Variants in MICU2 observed in about 807,000 individuals in gnomAD.
The protein encoded by MICU2 is calcium uptake protein 2, mitochondrial.
A neutral mutation model predicts 60.4 loss-of-function variants in MICU2; 64 were observed. The ratio of observed to expected loss-of-function variants is 1.06; its 90% confidence interval spans 0.87 to 1.31. MICU2 has a LOEUF of 1.31. MICU2 is among the 50% of genes most tolerant of loss of function. MICU2 has a pLI of 0.00. For missense variants in MICU2, 569 were observed against 531.0 expected, an observed-to-expected ratio of 1.07 and a Z score of -0.70; for synonymous variants, 201 against 175.0, an observed-to-expected ratio of 1.15 and a Z score of -1.17.
intron 6 of MICU2, among the ~76,000 whole-genome samples, chr13:21,518,886 C>G (rs1566145273): frequency 6.6e-6 from 1 of 152,038 alleles, no homozygotes; most frequent in Non-Finnish European, 1.5e-5. Flanking sequence ...ATATTTTTAT[C>G]TACTGCTACC....
intron 4 of MICU2, 79 bp from the exon 5 acceptor site, chr13:21,522,729 C>A (rs1886749819): frequency 9.1e-7 from 1 of 1,099,724 alleles, no homozygotes; most frequent in Non-Finnish European, 1.3e-6. Context: ...TGAAATTTCA[C>A]CTAATTAAAA....
At chr13:21,549,417 T>G (rs1887497601) in intron 2 of MICU2, among the ~76,000 whole-genome samples, 1 of 152,146 alleles carries the variant, frequency 6.6e-6, no homozygotes, top group Admixed American at 6.6e-5. Context: ...GCAATTAATT[T>G]TCAAATTTAA....
rs75401636 is a variant in MICU2 at position 21,524,705 on chromosome 13, G to A, written c.467-2055C>T. On this transcript the variant is annotated intron_variant, in intron 4 of 11. Coordinates refer to ENST00000382374, the MANE Select transcript of MICU2 (RefSeq NM_152726.3). ...AGTACATTCACGCTGTTGTACAACC[G>A]TCATTAGAAATTTTTCATCATGCTA... 7.9e-5 allele frequency among the ~76,000 whole-genome samples: 12 copies of A among 152,204 alleles called. No homozygotes were observed. The East Asian group carries it at 1.5e-3, about 20-fold the overall frequency.
Position 21,529,666 on chromosome 13 carries a change from C to T in MICU2, c.467-7016G>A, listed in dbSNP as rs74917696. 4.9e-4 allele frequency among the ~76,000 whole-genome samples: 75 copies of T among 152,290 alleles called. No individual in the cohort carries two copies. The East Asian group carries it at 0.014, about 28-fold the overall frequency. On this transcript the variant is annotated intron_variant, in intron 4 of 11. Coordinates refer to ENST00000382374, the MANE Select transcript of MICU2 (RefSeq NM_152726.3). The stretch of plus-strand genomic sequence containing the variant: ...ACATTTGCCTAATTAACAGATCTTT[C>T]GTTGACATGATCTCAGGCACTGTGT...
intron 1 of MICU2, among the ~76,000 whole-genome samples, chr13:21,578,620 T>C (rs552076052): frequency 6.6e-6 from 1 of 152,216 alleles, no homozygotes; most frequent in South Asian, 2.1e-4. Flanking sequence ...TATTTTAGTC[T>C]GTGAACCAAT....
chr13:21,501,479 G>T (rs1460754308), intron 9 of MICU2, among the ~76,000 whole-genome samples: 1 of 152,114 alleles, frequency 6.6e-6, no homozygotes, highest in Non-Finnish European at 1.5e-5. Flanking sequence ...AACCAGGATG[G>T]TCTTGATCTC....
intron 4 of MICU2, among the ~76,000 whole-genome samples, chr13:21,526,909 T>C (rs1486782288): frequency 6.6e-6 from 1 of 152,070 alleles, no homozygotes; most frequent in East Asian, 1.9e-4. Flanking sequence ...CAGGACAACA[T>C]ACCCTAATGA....
chr13:21,572,240 A>C (rs1888126966), intron 1 of MICU2, among the ~76,000 whole-genome samples: 1 of 152,262 alleles, frequency 6.6e-6, no homozygotes, highest in Admixed American at 6.5e-5. Context: ...GAGGTTTATT[A>C]AGCCAGCTGT....
At chr13:21,498,917 G>A (rs1886073316) in intron 9 of MICU2, among the ~76,000 whole-genome samples, 1 of 152,050 alleles carries the variant, frequency 6.6e-6, no homozygotes, top group Admixed American at 6.6e-5. Flanking sequence ...TTTGATGTCT[G>A]CTTTTCTGAT....
intron 11 of MICU2, 83 bp downstream of exon 11, chr13:21,495,078 A>G: frequency 9.9e-7 from 1 of 1,009,460 alleles, no homozygotes; most frequent in East Asian, 2.6e-5. Context: ...ACTCCATTTA[A>G]AGACTGTACA....
chr13:21,603,121 T>C (rs920791110), intron 1 of MICU2, among the ~76,000 whole-genome samples: 1 of 152,038 alleles, frequency 6.6e-6, no homozygotes, highest in Admixed American at 6.6e-5. Context: ...ATTGTTTATA[T>C]TTTTTAGTAG....
intron 1 of MICU2, among the ~76,000 whole-genome samples, chr13:21,600,986 C>CG (rs995902410): frequency 7.2e-5 from 11 of 151,970 alleles, no homozygotes; most frequent in African/African-American, 2.7e-4. Flanking sequence ...TTAGTAGAGA[C>CG]GGGGTTTCAC....
intron 8 of MICU2, 113 bp from the exon 9 acceptor site, chr13:21,503,210 T>G: frequency 1.4e-6 from 1 of 717,426 alleles, no homozygotes; most frequent in East Asian, 2.7e-5. Flanking sequence ...TGCCTCCTGA[T>G]GGTAAGCAGG....
At position 21,493,274 on chromosome 13, in the gene MICU2, T is replaced by C. The variant is rs369059811; in HGVS notation, c.1280A>G (p.Lys427Arg). Residue 427 changes from lysine to arginine, a missense_variant, in exon 12 of 12, where the codon AAA becomes AGA. By Grantham distance (26) the Lys-to-Arg change is conservative. Transcript: ENST00000382374. ...ESIKGVKEVW[K>R]QAGKGLF ...TTAAAAAAGACCTTTTCCAGCTTGT[T>C]TCCAGACTTCTTTTACTCCTTTAAT... is the stretch of plus-strand genomic sequence containing the variant. 6.2e-7 allele frequency: 1 copy of C among 1,609,586 alleles called. No individual in the cohort carries two copies. Among genetic ancestry groups the C allele is most frequent in the Non-Finnish European group, 8.5e-7 (1 of 1,178,294 alleles).
At chr13:21,601,873 A>C (rs1178260009) in intron 1 of MICU2, among the ~76,000 whole-genome samples, 1 of 152,106 alleles carries the variant, frequency 6.6e-6, no homozygotes, top group Non-Finnish European at 1.5e-5. Flanking sequence ...TGGGAGGCCA[A>C]GGCAGGCGGA....
chr13:21,511,212 G>A (rs1207875435), intron 7 of MICU2, among the ~76,000 whole-genome samples: 1 of 152,170 alleles, frequency 6.6e-6, no homozygotes, highest in African/African-American at 2.4e-5. Context: ...GGAGCAAAAT[G>A]CAGCACCTGC....
intron 1 of MICU2, among the ~76,000 whole-genome samples, chr13:21,578,486 G>T (rs773477613): frequency 1.3e-5 from 2 of 152,152 alleles, no homozygotes; most frequent in Non-Finnish European, 2.9e-5. Flanking sequence ...CTACTCAGGA[G>T]GCTGAAGTGG....
chr13:21,533,153 GTTCT>G (rs923969306), intron 4 of MICU2, among the ~76,000 whole-genome samples: 5 of 152,026 alleles, frequency 3.3e-5, no homozygotes, highest in East Asian at 1.9e-4. Flanking sequence ...TTGGAGGTGA[GTTCT>G]TTCTTTCTTT....
chr13:21,575,478 G>A (rs1888202103), intron 1 of MICU2, among the ~76,000 whole-genome samples: 1 of 150,600 alleles, frequency 6.6e-6, no homozygotes, highest in African/African-American at 2.4e-5. Flanking sequence ...ATCCCAGCAT[G>A]TTGGGAGGCC....
Sources: gnomAD v4.1 joint callset for allele counts (sites outside exome capture counted in the v4.1 genomes callset) on GRCh38, gnomAD v4.1.1 for gene constraint, MANE v1.5 for transcripts, NCBI Gene and HGNC (gene_info 2026-07-23, HGNC 2026-07-21) for gene names.